Variants in NFASC observed in about 807,000 individuals in gnomAD.
NFASC encodes the protein neurofascin.
Under a neutral mutation model 147.5 loss-of-function variants are expected in NFASC, and 43 were observed. The ratio of observed to expected loss-of-function variants is 0.29; its 90% confidence interval spans 0.23 to 0.38. The LOEUF (loss-of-function observed/expected upper bound fraction) is 0.38, where lower values mean the gene tolerates loss of function less well. Ranked by LOEUF, NFASC falls within the 10% of genes least tolerant of loss-of-function variation. NFASC has a pLI of 1.00. For synonymous variants in NFASC, 622 were observed against 665.5 expected (o/e 0.93, Z 1.01); for missense variants, 1,320 against 1,689.0 (o/e 0.78, Z 3.83).
At chr1:204,906,479 T>G (rs910805299) in intron 1 of NFASC, among the ~76,000 whole-genome samples, 2 of 152,234 alleles carry the variant, frequency 1.3e-5, no homozygotes, top group Non-Finnish European at 2.9e-5. Flanking sequence ...GACTGGCTTC[T>G]TTTACTTCAT....
intron 27 of NFASC, among the ~76,000 whole-genome samples, chr1:205,003,552 C>A (rs2096042899): frequency 6.6e-6 from 1 of 152,168 alleles, no homozygotes; most frequent in Non-Finnish European, 1.5e-5. Flanking sequence ...CTCAGCCGAG[C>A]AGGCTGCCAA....
chr1:204,978,147 C>T lies in NFASC; in HGVS notation c.1876+422C>T, dbSNP rs537057615. 1.1e-4 allele frequency among the ~76,000 whole-genome samples: 17 copies of T among 152,328 alleles called. 1 individual carries two copies. Among genetic ancestry groups the T allele is most frequent in the Admixed American group, 9.1e-4 (14 of 15,308 alleles). ...AATCTACACACACATGCCACACATA[C>T]GTGAACGTGGGCCTGTAGGACTCAC... is the stretch of plus-strand genomic sequence containing the variant. On this transcript the variant is annotated intron_variant, in intron 17 of 29. Transcript: ENST00000339876.
intron 2 of NFASC, among the ~76,000 whole-genome samples, chr1:204,922,181 C>T (rs570519354): frequency 4.6e-5 from 7 of 152,244 alleles, no homozygotes; most frequent in African/African-American, 7.2e-5. Context: ...ACCAAGTCCC[C>T]GCTCTTGGCA....
At position 204,988,774 on chromosome 1, in the gene NFASC, T is replaced by A; in HGVS notation, c.2735T>A (p.Val912Asp). ...ACGCAGGTGGGCTCTGGGGAAGCCG[T>A]CACAGAGGAGTCACCAGCACCCCCG... is the stretch of plus-strand genomic sequence containing the variant. Reference protein sequence around the residue: ...ARTQVGSGEAVTEESPAPPNE... With the variant: ...ARTQVGSGEADTEESPAPPNE... The change falls in exon 23 of 30, where the codon GTC becomes GAC. Residue 912 changes from valine to aspartate, a missense_variant. Val to Asp is a radical substitution (Grantham distance 152). Around this residue, in one of 3 missense-constraint regions of NFASC, gnomAD observed 981 missense variants for 1,289.5 expected, o/e 0.76. Transcript: ENST00000339876. 5.0e-6 allele frequency: 8 copies of A among 1,614,128 alleles called. No homozygotes were observed. The highest frequency in any genetic ancestry group is 6.8e-6 in the Non-Finnish European group (8 of 1,180,026).
chr1:204,981,405 T>C (rs2150460044), intron 20 of NFASC, among the ~76,000 whole-genome samples: 1 of 152,408 alleles, frequency 6.6e-6, no homozygotes, highest in Non-Finnish European at 1.5e-5. Context: ...GCAGGAGCCA[T>C]GCTGTGGTTA....
At chr1:204,966,278 G>T in intron 8 of NFASC, among the ~76,000 whole-genome samples, 1 of 152,174 alleles carries the variant, frequency 6.6e-6, no homozygotes, top group East Asian at 1.9e-4. Flanking sequence ...TTGCTGGGTT[G>T]TGCGTGCTGG....
intron 2 of NFASC, among the ~76,000 whole-genome samples, chr1:204,934,058 A>T (rs2092613178): frequency 6.6e-6 from 1 of 150,536 alleles, no homozygotes; most frequent in Admixed American, 6.7e-5. Flanking sequence ...AAATCACTTG[A>T]ACCCAAGAGG....
intron 1 of NFASC, among the ~76,000 whole-genome samples, chr1:204,916,285 T>G (rs894237625): frequency 3.3e-5 from 5 of 152,268 alleles, no homozygotes; most frequent in Admixed American, 6.5e-5. Flanking sequence ...TTCCTATGCC[T>G]GAGTCAGAGG....
intron 24 of NFASC, among the ~76,000 whole-genome samples, chr1:204,992,677 G>A (rs887191655): frequency 1.3e-5 from 2 of 152,150 alleles, no homozygotes; most frequent in Non-Finnish European, 2.9e-5. Flanking sequence ...CTCCCGTGAC[G>A]AAGAGGAAAC....
rs144634047 is a variant in NFASC, at chr1:204,860,628, A to G, written c.-200+31846A>G. On this transcript the variant is annotated intron_variant, in intron 1 of 29. Transcript: ENST00000339876. ...AAAATTTACCGTTTTAAAGTATGCA[A>G]TTCAGTGGCATTTAGTACATTTACA... Among the ~76,000 whole-genome samples, 69 of 152,372 alleles carry G rather than the reference A, an allele frequency of 4.5e-4. No homozygotes were observed. In the East Asian group the frequency reaches 0.013, roughly 28 times the overall value.
chr1:204,968,975 A>G lies in NFASC; in HGVS notation c.996A>G (p.Arg332=), dbSNP rs760533503. 4 of 1,613,248 alleles carry G rather than the reference A, an allele frequency of 2.5e-6. No individual in the cohort carries two copies. The highest frequency in any genetic ancestry group is 3.4e-6 in the Non-Finnish European group (4 of 1,179,680). The change falls in exon 10 of 30, where the codon AGA becomes AGG. Residue 332 remains arginine (R), a synonymous_variant. Coordinates refer to ENST00000339876, the MANE Select transcript of NFASC (RefSeq NM_001005388.3). The surrounding 1 kb of genome is among the most constrained non-coding windows in gnomAD (Gnocchi z 5.4). The part of the protein sequence containing the change: ...MGSIRHTISV[R]VKAAPYWLDE... The stretch of plus-strand genomic sequence containing the variant: ...GCATCCGGCACACGATCTCGGTGAG[A>G]GTAAAGGGTACGTTGTGTGTATTTA...
chr1:204,974,917 C>T (rs2095362298), intron 14 of NFASC, 94 bp downstream of exon 14: 1 of 1,332,292 alleles, frequency 7.5e-7, no homozygotes, highest in East Asian at 2.3e-5. Context: ...GAAAATGCAC[C>T]ACACCTGTCT....
At chr1:204,870,243 AT>A (rs1257361466) in intron 1 of NFASC, among the ~76,000 whole-genome samples, 1 of 152,216 alleles carries the variant, frequency 6.6e-6, no homozygotes, top group African/African-American at 2.4e-5. Context: ...CAAATGTGTA[AT>A]GGGCTGTCAA....
At chr1:204,917,944 A>T (rs151022805) in intron 1 of NFASC, among the ~76,000 whole-genome samples, 1 of 152,180 alleles carries the variant, frequency 6.6e-6, no homozygotes, top group African/African-American at 2.4e-5. Context: ...CAGTGAACAG[A>T]GCTAGGAAAT....
intron 11 of NFASC, among the ~76,000 whole-genome samples, chr1:204,971,845 G>A (rs538584196): frequency 1.3e-5 from 2 of 152,250 alleles, no homozygotes; most frequent in South Asian, 2.1e-4. Flanking sequence ...AGTTCTCTCC[G>A]TCTTAATAGG....
Position 205,021,291 on chromosome 1 carries a change from T to G in NFASC, c.*4752T>G, listed in dbSNP as rs1158384425. 6.6e-6 allele frequency: 1 copy of G among 152,526 alleles called. No individual in the cohort carries two copies. Among genetic ancestry groups the G allele is most frequent in the East Asian group, 1.9e-4 (1 of 5,176 alleles). The allele number at this position is 152,526 out of a possible 1,614,324, so 9.4% of individuals were successfully genotyped here. A position where few individuals can be genotyped will look rare whatever the true frequency, so the allele number is the denominator to read the frequency against. ...AATAATGGGCCTTCCTGAGACACAT[T>G]CAGAGAAGGATCAGAGAGAAAGGAG... On this transcript the variant is annotated 3_prime_UTR_variant, in exon 30 of 30. Transcript: ENST00000339876.
In NFASC at chr1:204,961,607, A is replaced by G. The variant is rs1461147236; in HGVS notation, c.706+3781A>G. ...TTTGGTCAATGACCTCCTCCCATTT[A>G]CCACCAACCTCCTGCAGCTTAGCTT... On this transcript the variant is annotated intron_variant, in intron 8 of 29. Transcript: ENST00000339876. 2.6e-5 allele frequency among the ~76,000 whole-genome samples: 4 copies of G among 152,150 alleles called. No individual in the cohort carries two copies. The East Asian group carries it at 7.7e-4, about 29-fold the overall frequency.
rs569792621 is a variant in NFASC, at chr1:205,005,427, C to T, written c.3289+2679C>T. Among the ~76,000 whole-genome samples the T allele has an allele frequency of 9.0e-4, 137 of 152,224 alleles. 1 individual carries two copies. The Middle Eastern group carries it at 0.02, about 23-fold the overall frequency. ...AGAGGTGTGGAAGGCACACAAAACACGTCTTCTAGTCCAGTGTAAGAGGCG... is the reference window on the plus strand; with the variant it reads ...AGAGGTGTGGAAGGCACACAAAACATGTCTTCTAGTCCAGTGTAAGAGGCG... On this transcript the variant is annotated intron_variant, in intron 27 of 29. Transcript: ENST00000339876.
At chr1:204,973,516 G>A (rs2095318692) in intron 12 of NFASC, 97 bp downstream of exon 12, 2 of 1,461,194 alleles carry the variant, frequency 1.4e-6, no homozygotes, top group Non-Finnish European at 1.9e-6. Flanking sequence ...TTCTTCTCCG[G>A]GGATTGGCCA....
Sources: allele counts gnomAD v4.1 joint callset (sites outside exome capture counted in the v4.1 genomes callset), GRCh38; gene constraint gnomAD v4.1.1; regional missense constraint gnomAD v4.1.1; non-coding constraint Gnocchi (gnomAD v3.1); transcripts MANE v1.5; gene names NCBI Gene and HGNC (gene_info 2026-07-23, HGNC 2026-07-21).